Variants in CRYL1 observed in about 807,000 individuals in gnomAD.
CRYL1 encodes the protein crystallin lambda 1, also known as lambda-crystallin homolog.
In CRYL1, 29 loss-of-function variants were observed where a neutral mutation model predicts 36.6. That is an observed-to-expected ratio of 0.79 (90% CI 0.59 to 1.08). The LOEUF (loss-of-function observed/expected upper bound fraction) is 1.08. CRYL1 is among the 50% of genes least tolerant of loss of function. The probability of loss-of-function intolerance (pLI) is 0.00; values close to 1 mark genes in which losing one functional copy is unlikely to be tolerated. For synonymous variants in CRYL1, 152 were observed against 151.5 expected (o/e 1.00, Z -0.02); for missense variants, 411 against 407.9 (o/e 1.01, Z -0.06).
chr13:20,459,174 T>G (rs1274390733), intron 3 of CRYL1, among the ~76,000 whole-genome samples: 1 of 141,478 alleles, frequency 7.1e-6, no homozygotes, highest in Non-Finnish European at 1.5e-5. Context: ...AGGCGGAGCT[T>G]GCAGTAAGCC....
intron 3 of CRYL1, among the ~76,000 whole-genome samples, chr13:20,470,910 C>CA (rs11353451): frequency 0.06 from 2,389 of 39,840 alleles, 87 homozygotes; most frequent in African/African-American, 0.14. Context: ...AACTCCATCT[C>CA]AAAAAAAAAA....
chr13:20,480,337 G>A (rs1453416081), intron 3 of CRYL1, among the ~76,000 whole-genome samples: 2 of 151,670 alleles, frequency 1.3e-5, no homozygotes, highest in African/African-American at 2.4e-5. Context: ...GCCAAGATCA[G>A]TGAGCCAACA....
At position 20,420,701 on chromosome 13, in the gene CRYL1, T is replaced by TTTTTTTTTTTTG; in HGVS notation, c.634-7315_634-7314insCAAAAAAAAAAA. ...CTTTGACTTTTCTTTAAAATAGAGG[T>TTTTTTTTTTTTG]TGTGTGTGTGTGTGTGTGTGTGTGT... On this transcript the variant is annotated intron_variant, in intron 5 of 7. Transcript: ENST00000298248. Among the ~76,000 whole-genome samples, 142 of 21,872 alleles carry TTTTTTTTTTTTG rather than the reference T, an allele frequency of 6.5e-3. 18 individuals carry two copies. The highest frequency in any genetic ancestry group is 0.014 in the African/African-American group (130 of 9,518). 14.3% of individuals were successfully genotyped at this position (21,872 alleles called of 152,430 possible).
chr13:20,406,961 A>C (rs1565954232), intron 6 of CRYL1, among the ~76,000 whole-genome samples: 1 of 151,626 alleles, frequency 6.6e-6, no homozygotes, highest in Non-Finnish European at 1.5e-5. Flanking sequence ...GCAAGTGTTC[A>C]TCTCTCCCTG....
At chr13:20,511,671 C>T (rs931067483) in intron 2 of CRYL1, among the ~76,000 whole-genome samples, 16 of 152,182 alleles carry the variant, frequency 1.1e-4, no homozygotes, top group African/African-American at 3.1e-4. Context: ...AACCAGCTAA[C>T]GCGTGTCTGA....
At chr13:20,410,729 A>G (rs2031498063) in intron 6 of CRYL1, among the ~76,000 whole-genome samples, 1 of 152,238 alleles carries the variant, frequency 6.6e-6, no homozygotes, top group Admixed American at 6.5e-5. Flanking sequence ...GGTGCCAGCA[A>G]TCCAGCTAAG....
intron 3 of CRYL1, among the ~76,000 whole-genome samples, chr13:20,474,730 C>A (rs1208636308): frequency 5.3e-5 from 8 of 152,176 alleles, no homozygotes; most frequent in Non-Finnish European, 7.3e-5. Flanking sequence ...GGGACACACA[C>A]AACCTTCCTC....
intron 5 of CRYL1, among the ~76,000 whole-genome samples, chr13:20,414,370 C>G (rs1453550629): frequency 6.6e-6 from 1 of 151,884 alleles, no homozygotes; most frequent in East Asian, 1.9e-4. Flanking sequence ...CTTAGCTCAC[C>G]CTACAACCTA....
chr13:20,484,905 A>T (rs2033364212), intron 3 of CRYL1, among the ~76,000 whole-genome samples: 1 of 152,194 alleles, frequency 6.6e-6, no homozygotes, highest in Admixed American at 6.5e-5. Flanking sequence ...TGTTAGAAAC[A>T]CTAATGTACT....
chr13:20,409,109 G>T (rs1047086017), intron 6 of CRYL1, among the ~76,000 whole-genome samples: 1 of 152,048 alleles, frequency 6.6e-6, no homozygotes, highest in Non-Finnish European at 1.5e-5. Context: ...ATACTACAAG[G>T]CTACAGTAAC....
Position 20,435,351 on chromosome 13 carries a change from G to A in CRYL1, c.439-3055C>T, listed in dbSNP as rs1447043316. Among the ~76,000 whole-genome samples, 1 of 152,168 alleles carries A rather than the reference G, an allele frequency of 6.6e-6. No individual in the cohort carries two copies. The highest frequency in any genetic ancestry group is 1.5e-5 in the Non-Finnish European group (1 of 68,026). ...GGCACACGGCTGACTAGGACGCAGG[G>A]GCCAGCGACTGGGCCCCACGCAGCC... On this transcript the variant is annotated intron_variant, in intron 4 of 7. Transcript: ENST00000298248. The surrounding 1 kb of genome is among the most constrained non-coding windows in gnomAD (Gnocchi z 4.0).
intron 3 of CRYL1, among the ~76,000 whole-genome samples, chr13:20,465,235 C>T (rs2032908353): frequency 6.6e-6 from 1 of 152,158 alleles, no homozygotes; most frequent in African/African-American, 2.4e-5. Flanking sequence ...AACAAGGTTT[C>T]GCAGCAGGCA....
At chr13:20,508,680 G>A (rs1019027959) in intron 2 of CRYL1, among the ~76,000 whole-genome samples, 1 of 150,794 alleles carries the variant, frequency 6.6e-6, no homozygotes, top group South Asian at 2.1e-4. Flanking sequence ...CCCCGTCTCT[G>A]CTAAAAATAC....
At chr13:20,516,058 G>A (rs1270645830) in intron 1 of CRYL1, among the ~76,000 whole-genome samples, 1 of 151,994 alleles carries the variant, frequency 6.6e-6, no homozygotes, top group African/African-American at 2.4e-5. Context: ...AGGTATGGTG[G>A]CGGGCACCTG....
chr13:20,507,843 GGGAGGC>G (rs1349852480), intron 2 of CRYL1, among the ~76,000 whole-genome samples: 1 of 151,380 alleles, frequency 6.6e-6, no homozygotes, highest in East Asian at 1.9e-4. Context: ...GCATGAACCT[GGGAGGC>G]GGAGCTTGCA....
intron 6 of CRYL1, among the ~76,000 whole-genome samples, chr13:20,411,926 C>T (rs917884641): frequency 6.6e-6 from 1 of 152,158 alleles, no homozygotes; most frequent in Non-Finnish European, 1.5e-5. Flanking sequence ...AGTAAAGCTT[C>T]CTTGAATTAT....
chr13:20,518,686 A>G (rs1337711508), intron 1 of CRYL1, among the ~76,000 whole-genome samples: 1 of 152,182 alleles, frequency 6.6e-6, no homozygotes, highest in African/African-American at 2.4e-5. Context: ...AAGGGCAAAG[A>G]TGGAAGTCAG....
chr13:20,415,996 C>T lies in CRYL1; in HGVS notation c.634-2609G>A, dbSNP rs1205088419. Among the ~76,000 whole-genome samples, 1 of 152,218 alleles carries T rather than the reference C, an allele frequency of 6.6e-6. No individual in the cohort carries two copies. Among genetic ancestry groups the T allele is most frequent in the African/African-American group, 2.4e-5 (1 of 41,466 alleles). ...TAGTCTGGGGCTCCTGTGAGCAGGG[C>T]AGCCAGGGTCACGCGCACAGGGCCC... On this transcript the variant is annotated intron_variant, in intron 5 of 7. Transcript: ENST00000298248. This position sits in a 1 kb window ranked among gnomAD's most constrained non-coding sequence, Gnocchi z 4.1.
intron 2 of CRYL1, among the ~76,000 whole-genome samples, chr13:20,505,676 C>T (rs1374238786): frequency 6.6e-6 from 1 of 152,174 alleles, no homozygotes; most frequent in East Asian, 1.9e-4. Flanking sequence ...GAGCCCACGA[C>T]CTACAGTGGT....
Sources: allele counts gnomAD v4.1 joint callset (sites outside exome capture counted in the v4.1 genomes callset), GRCh38; gene constraint gnomAD v4.1.1; non-coding constraint Gnocchi (gnomAD v3.1); transcripts MANE v1.5; gene names NCBI Gene and HGNC (gene_info 2026-07-23, HGNC 2026-07-21).